The following SH3RF3 variants were observed in gnomAD, a reference collection of about 807,000 sequenced individuals.
The protein encoded by SH3RF3 is SH3 domain containing ring finger 3.
A neutral mutation model predicts 66.3 loss-of-function variants in SH3RF3; 29 were observed. That is an observed-to-expected ratio of 0.44 (90% confidence interval 0.33 to 0.60). SH3RF3 has a LOEUF of 0.60. SH3RF3 is among the 20% of genes least tolerant of loss of function. The pLI is 0.04. For missense variants in SH3RF3, 1,194 were observed against 1,190.9 expected (o/e 1.00, Z -0.04); for synonymous variants, 583 against 532.0 (o/e 1.10, Z -1.32).
rs1037646464 is a variant in SH3RF3, at chr2:109,188,865, C to T, written c.573+58752C>T. 3.9e-5 allele frequency among the ~76,000 whole-genome samples: 6 copies of T among 152,164 alleles called. No individual in the cohort carries two copies. The East Asian group carries it at 5.8e-4, about 15-fold the overall frequency. On this transcript the variant is annotated intron_variant, in intron 1 of 9. Coordinates refer to ENST00000309415, the MANE Select transcript of SH3RF3 (RefSeq NM_001099289.3). ...CTCTCTGTGCAGTTGCCAGGGGGAACGTGTTCGCTTTGCCGGGGCATTGTG... is the reference window on the plus strand; with the variant it reads ...CTCTCTGTGCAGTTGCCAGGGGGAATGTGTTCGCTTTGCCGGGGCATTGTG...
chr2:109,387,676 C>T (rs1363443959), intron 3 of SH3RF3, among the ~76,000 whole-genome samples: 1 of 152,232 alleles, frequency 6.6e-6, no homozygotes, highest in South Asian at 2.1e-4. Flanking sequence ...ATACTTTTTC[C>T]TCCATGTACT....
chr2:109,333,505 A>G (rs1682334915), intron 1 of SH3RF3, among the ~76,000 whole-genome samples: 2 of 152,216 alleles, frequency 1.3e-5, no homozygotes, highest in African/African-American at 2.4e-5. Context: ...CGTATAGCAT[A>G]CCCCACCTGT....
chr2:109,224,411 A>G (rs755018388), intron 1 of SH3RF3, among the ~76,000 whole-genome samples: 1 of 152,146 alleles, frequency 6.6e-6, no homozygotes. Flanking sequence ...TTTTGTTCTG[A>G]TGTAAAAGGG....
chr2:109,251,363 G>T, intron 1 of SH3RF3: 1 of 616,022 alleles, frequency 1.6e-6, no homozygotes, highest in Non-Finnish European at 3.1e-6. Context: ...TGCCGCGGGA[G>T]CATGAGGGAG....
At chr2:109,343,699 A>G (rs72939589) in intron 1 of SH3RF3, among the ~76,000 whole-genome samples, 2,510 of 150,496 alleles carry the variant, frequency 0.017, 64 homozygotes, top group African/African-American at 0.058. Context: ...CAGGCGTACA[A>G]TCTCCAGTCT....
At chr2:109,133,108 GCT>G (rs1459918075) in intron 1 of SH3RF3, among the ~76,000 whole-genome samples, 52 of 152,352 alleles carry the variant, frequency 3.4e-4, no homozygotes, top group African/African-American at 1.2e-3. Context: ...GTGGTTGCAA[GCT>G]GTCTGCCCAG....
chr2:109,192,138 A>G (rs576981875), intron 1 of SH3RF3, among the ~76,000 whole-genome samples: 1 of 152,230 alleles, frequency 6.6e-6, no homozygotes, highest in Non-Finnish European at 1.5e-5. Flanking sequence ...ACGGTACCCA[A>G]TATTGGTTCT....
chr2:109,303,920 G>A (rs923022851), intron 1 of SH3RF3, among the ~76,000 whole-genome samples: 3 of 151,946 alleles, frequency 2.0e-5, no homozygotes, highest in Non-Finnish European at 4.4e-5. Context: ...CTTACTATAA[G>A]ATATAACCCC....
chr2:109,369,501 C>G (rs1322366195), intron 2 of SH3RF3, among the ~76,000 whole-genome samples: 3 of 152,240 alleles, frequency 2.0e-5, no homozygotes, highest in Middle Eastern at 3.4e-3. Context: ...TTTTTCTGGC[C>G]TATAATGTCA....
intron 1 of SH3RF3, among the ~76,000 whole-genome samples, chr2:109,246,327 G>T (rs901235239): frequency 6.6e-6 from 1 of 152,156 alleles, no homozygotes; most frequent in Non-Finnish European, 1.5e-5. Flanking sequence ...GTTCACAGAC[G>T]GTGCCTTCTC....
chr2:109,398,555 T>C (rs1298805767), intron 3 of SH3RF3, 35 bp from the exon 4 acceptor site: 1 of 1,507,444 alleles, frequency 6.6e-7, no homozygotes, highest in African/African-American at 1.4e-5. Context: ...TGACCATGAT[T>C]TAATGCAGCC....
Position 109,398,925 on chromosome 2 carries a change from G to C in SH3RF3, c.1281G>C (p.Ser427=). 1 of 1,612,290 alleles carries C rather than the reference G, an allele frequency of 6.2e-7. No homozygotes were observed. The change falls in exon 4 of 10, where the codon TCG becomes TCC. Residue 427 remains serine, a synonymous_variant. Coordinates refer to ENST00000309415, the MANE Select transcript of SH3RF3 (RefSeq NM_001099289.3). ...AARIGDLAHL[S]CAAPTQDVSS... Reference sequence around the variant, plus strand: ...GGATTGGAGACCTTGCTCATCTGTCGTGCGCTGCTCCCACCCAGGTAACAT... The same window carrying C: ...GGATTGGAGACCTTGCTCATCTGTCCTGCGCTGCTCCCACCCAGGTAACAT...
intron 1 of SH3RF3, among the ~76,000 whole-genome samples, chr2:109,254,006 A>G (rs1680158286): frequency 6.6e-6 from 1 of 151,800 alleles, no homozygotes; most frequent in Non-Finnish European, 1.5e-5. Flanking sequence ...TATACATCAT[A>G]CAACTCAGGG....
At chr2:109,295,938 C>A (rs1681296613) in intron 1 of SH3RF3, among the ~76,000 whole-genome samples, 1 of 152,194 alleles carries the variant, frequency 6.6e-6, no homozygotes, top group Non-Finnish European at 1.5e-5. Flanking sequence ...TGTGCCGACA[C>A]TGCTCCCTCT....
At position 109,379,862 on chromosome 2, in the gene SH3RF3, G is replaced by A. The variant is rs569024723; in HGVS notation, c.945+8181G>A. 4.6e-5 allele frequency among the ~76,000 whole-genome samples: 7 copies of A among 152,278 alleles called. No individual in the cohort carries two copies. The South Asian group carries it at 1.0e-3, about 23-fold the overall frequency. On this transcript the variant is annotated intron_variant, in intron 3 of 9. Coordinates refer to ENST00000309415, the MANE Select transcript of SH3RF3 (RefSeq NM_001099289.3). ...CAGGGACCAGGAAGCACCCAATGGC[G>A]TGTCTCCTGGAGTGTGATGTTGTGT...
chr2:109,449,060 G>A (rs1242783371), intron 7 of SH3RF3, 110 bp from the exon 8 acceptor site: 2 of 1,301,278 alleles, frequency 1.5e-6, no homozygotes, highest in Non-Finnish European at 1.1e-6. Flanking sequence ...TTCAGAGAGA[G>A]GCTGTGAGTG....
rs549895097 is a variant in SH3RF3 at position 109,387,444 on chromosome 2, C to T, written c.946-11146C>T. ...CCTTATTTCTGCCCATGTGTCTGCT[C>T]CAGCCACTCTGGCCTTCTTGCTTTT... On this transcript the variant is annotated intron_variant, in intron 3 of 9. Coordinates refer to ENST00000309415, the MANE Select transcript of SH3RF3 (RefSeq NM_001099289.3). Among the ~76,000 whole-genome samples, 9 of 152,280 alleles carry T rather than the reference C, an allele frequency of 5.9e-5. No individual in the cohort carries two copies. The East Asian group carries it at 1.7e-3, about 30-fold the overall frequency.
intron 1 of SH3RF3, 53 bp from the exon 2 acceptor site, chr2:109,347,621 G>T: frequency 3.8e-6 from 6 of 1,584,484 alleles, no homozygotes; most frequent in Non-Finnish European, 5.2e-6. Flanking sequence ...GATCCACTGT[G>T]GGGCATTGGG....
intron 1 of SH3RF3, among the ~76,000 whole-genome samples, chr2:109,179,660 G>T (rs1678028508): frequency 6.6e-6 from 1 of 152,116 alleles, no homozygotes; most frequent in Non-Finnish European, 1.5e-5. Flanking sequence ...GCTAGCTAAG[G>T]TCTCTCTTCC....
Sources: allele counts gnomAD v4.1 joint callset (sites outside exome capture counted in the v4.1 genomes callset), GRCh38; gene constraint gnomAD v4.1.1; transcripts MANE v1.5; gene names NCBI Gene and HGNC (gene_info 2026-07-23, HGNC 2026-07-21).